OLA1: variants seen among roughly 807,000 people sequenced by gnomAD.
OLA1 encodes obg-like ATPase 1.
In OLA1, 14 loss-of-function variants were observed where a neutral mutation model predicts 48.4. That is an observed-to-expected ratio of 0.29 (90% CI 0.19 to 0.45). The LOEUF (loss-of-function observed/expected upper bound fraction) is 0.45. OLA1 is among the 20% of genes least tolerant of loss of function. The pLI is 1.00. For synonymous variants in OLA1, 127 were observed against 150.4 expected, an observed-to-expected ratio of 0.84 and a Z score of 1.14; for missense variants, 325 against 467.1, an observed-to-expected ratio of 0.70 and a Z score of 2.80.
chr2:174,111,112 TTTAA>T (rs1260635950), intron 7 of OLA1, among the ~76,000 whole-genome samples: 3 of 152,208 alleles, frequency 2.0e-5, no homozygotes, highest in Non-Finnish European at 4.4e-5. Flanking sequence ...ACATATTTTA[TTTAA>T]TTCTCATAAT....
At chr2:174,188,831 G>A (rs892466167) in intron 4 of OLA1, among the ~76,000 whole-genome samples, 2 of 152,178 alleles carry the variant, frequency 1.3e-5, no homozygotes, top group Non-Finnish European at 2.9e-5. Context: ...TAAATTTCAT[G>A]TTTAGACTTG....
chr2:174,160,461 G>C (rs1267912950), intron 4 of OLA1, among the ~76,000 whole-genome samples: 1 of 152,090 alleles, frequency 6.6e-6, no homozygotes, highest in Non-Finnish European at 1.5e-5. Flanking sequence ...TTTGAAAAGA[G>C]ATTCAACCTG....
intron 4 of OLA1, among the ~76,000 whole-genome samples, chr2:174,222,612 T>C (rs572124493): frequency 6.6e-6 from 1 of 152,290 alleles, no homozygotes; most frequent in Admixed American, 6.5e-5. Context: ...CTTTCATCTC[T>C]AATAGATAAC....
chr2:174,230,844 A>C (rs890095281), intron 2 of OLA1, among the ~76,000 whole-genome samples: 1 of 152,236 alleles, frequency 6.6e-6, no homozygotes, highest in African/African-American at 2.4e-5. Flanking sequence ...TCTAAAATGC[A>C]GGATACAGAA....
chr2:174,109,177 T>C (rs1685583400), intron 7 of OLA1, among the ~76,000 whole-genome samples: 1 of 152,196 alleles, frequency 6.6e-6, no homozygotes. Flanking sequence ...AAGTAGGTAT[T>C]ATTAGCTAAG....
chr2:174,075,978 G>T (rs1353567413), intron 10 of OLA1, among the ~76,000 whole-genome samples: 1 of 152,100 alleles, frequency 6.6e-6, no homozygotes, highest in African/African-American at 2.4e-5. Context: ...AAATATAGTT[G>T]GTATAAGGAA....
chr2:174,213,660 C>T (rs905096847), intron 4 of OLA1, among the ~76,000 whole-genome samples: 2 of 152,168 alleles, frequency 1.3e-5, no homozygotes, highest in African/African-American at 4.8e-5. Flanking sequence ...ACGCACCCTG[C>T]TTTCAGATAA....
At chr2:174,221,355 A>G (rs1688498038) in intron 4 of OLA1, among the ~76,000 whole-genome samples, 1 of 152,198 alleles carries the variant, frequency 6.6e-6, no homozygotes, top group Admixed American at 6.5e-5. Context: ...CAACATCATC[A>G]GGACCTTACC....
At chr2:174,105,055 T>C (rs1685484907) in intron 7 of OLA1, among the ~76,000 whole-genome samples, 2 of 151,982 alleles carry the variant, frequency 1.3e-5, no homozygotes, top group Admixed American at 6.6e-5. Context: ...AAAAATTAAA[T>C]GATGTTAACC....
At position 174,163,170 on chromosome 2, in the gene OLA1, G is replaced by A. The variant is rs564584044; in HGVS notation, c.374-21170C>T. On this transcript the variant is annotated intron_variant, in intron 4 of 10. Coordinates refer to ENST00000284719, the MANE Select transcript of OLA1 (RefSeq NM_013341.5). Reference sequence around the variant, plus strand: ...CTTGATTCTGGATTACTAGGGAGAAGCCTGAGATTCTGCATTTTAAAGCAA... The same window carrying A: ...CTTGATTCTGGATTACTAGGGAGAAACCTGAGATTCTGCATTTTAAAGCAA... Among the ~76,000 whole-genome samples the A allele has an allele frequency of 5.9e-5, 9 of 152,316 alleles. No individual in the cohort carries two copies. The South Asian group carries it at 1.9e-3, about 32-fold the overall frequency.
At chr2:174,161,786 G>A (rs1327878371) in intron 4 of OLA1, among the ~76,000 whole-genome samples, 1 of 151,014 alleles carries the variant, frequency 6.6e-6, no homozygotes, top group Non-Finnish European at 1.5e-5. Flanking sequence ...CAAAGTAGTC[G>A]AAAAAATGTA....
chr2:174,118,626 A>G (rs1292949575), intron 7 of OLA1, among the ~76,000 whole-genome samples: 1 of 152,186 alleles, frequency 6.6e-6, no homozygotes, highest in Admixed American at 6.5e-5. Context: ...AATTTTATAT[A>G]ACTTTTCCTG....
At chr2:174,189,650 G>A (rs1574538982) in intron 4 of OLA1, among the ~76,000 whole-genome samples, 1 of 152,138 alleles carries the variant, frequency 6.6e-6, no homozygotes, top group Non-Finnish European at 1.5e-5. Context: ...AGGTCATAGA[G>A]AAATAGGCAT....
intron 2 of OLA1, among the ~76,000 whole-genome samples, chr2:174,238,048 G>A (rs1246661916): frequency 6.6e-6 from 1 of 152,192 alleles, no homozygotes; most frequent in African/African-American, 2.4e-5. Flanking sequence ...GCACTTGTCT[G>A]TAATAGGCAT....
At chr2:174,221,501 G>C (rs1267639453) in intron 4 of OLA1, among the ~76,000 whole-genome samples, 2 of 152,010 alleles carry the variant, frequency 1.3e-5, no homozygotes, top group East Asian at 1.9e-4. Flanking sequence ...ATTTTTCAGT[G>C]CTCTCCTATT....
At chr2:174,220,859 T>C (rs192951115) in intron 4 of OLA1, among the ~76,000 whole-genome samples, 50 of 152,316 alleles carry the variant, frequency 3.3e-4, no homozygotes, top group Non-Finnish European at 1.3e-4. Flanking sequence ...TTAACAATTT[T>C]TTCTGTCCCC....
intron 1 of OLA1, chr2:174,247,937 A>G (rs1358143189): frequency 1.2e-6 from 1 of 846,180 alleles, no homozygotes; most frequent in African/African-American, 1.7e-5. Context: ...GAAGCTGGGA[A>G]CTAAAACTGT....
chr2:174,180,077 CAT>C (rs1369877544), intron 4 of OLA1, among the ~76,000 whole-genome samples: 1 of 151,898 alleles, frequency 6.6e-6, no homozygotes, highest in Non-Finnish European at 1.5e-5. Context: ...TATTTTATAA[CAT>C]ATAATCAAGC....
At chr2:174,135,160 C>CACAAA (rs1686276620) in intron 5 of OLA1, among the ~76,000 whole-genome samples, 1 of 86,018 alleles carries the variant, frequency 1.2e-5, no homozygotes, top group African/African-American at 5.0e-5. Context: ...ACTCCGCCTC[C>CACAAA]AAAAAAAAAA....
Sources: allele counts gnomAD v4.1 joint callset (sites outside exome capture counted in the v4.1 genomes callset), GRCh38; gene constraint gnomAD v4.1.1; transcripts MANE v1.5; gene names NCBI Gene and HGNC (gene_info 2026-07-23, HGNC 2026-07-21).